IRAK3: variants seen among roughly 807,000 people sequenced by gnomAD.
IRAK3 encodes the protein interleukin 1 receptor associated kinase 3.
In IRAK3, 57 loss-of-function variants were observed where a neutral mutation model predicts 56.6. The ratio of observed to expected loss-of-function variants is 1.01; its 90% CI spans 0.81 to 1.26. The LOEUF is 1.26. Among genes scored for constraint, IRAK3 ranks in the 50% most tolerant of loss-of-function variants. The probability of loss-of-function intolerance (pLI) is 0.00; values close to 1 mark genes in which losing one functional copy is unlikely to be tolerated. For synonymous variants in IRAK3, 258 were observed against 255.7 expected (o/e 1.01, Z -0.09); for missense variants, 703 against 719.0 (o/e 0.98, Z 0.25).
chr12:66,241,922 T>C (rs1203426608), intron 8 of IRAK3, among the ~76,000 whole-genome samples: 3 of 152,172 alleles, frequency 2.0e-5, no homozygotes, highest in African/African-American at 7.2e-5. Flanking sequence ...AAGAATTAGA[T>C]TGAAGGTTTT....
At chr12:66,206,371 T>C (rs761849049) in intron 2 of IRAK3, among the ~76,000 whole-genome samples, 6 of 152,202 alleles carry the variant, frequency 3.9e-5, no homozygotes, top group Non-Finnish European at 7.3e-5. Flanking sequence ...TGTCGGTTTT[T>C]TGTAGATGGC....
intron 8 of IRAK3, among the ~76,000 whole-genome samples, chr12:66,230,944 T>G (rs2052838088): frequency 6.6e-6 from 1 of 152,204 alleles, no homozygotes; most frequent in Non-Finnish European, 1.5e-5. Context: ...AGCCTCAATC[T>G]TCCTCTCTGC....
At chr12:66,194,176 G>A (rs149301817) in intron 1 of IRAK3, among the ~76,000 whole-genome samples, 1 of 152,196 alleles carries the variant, frequency 6.6e-6, no homozygotes, top group African/African-American at 2.4e-5. Flanking sequence ...CAAAGTGCTG[G>A]GATTACAGAT....
At chr12:66,211,187 A>G (rs1486329966) in intron 4 of IRAK3, among the ~76,000 whole-genome samples, 1 of 152,216 alleles carries the variant, frequency 6.6e-6, no homozygotes, top group Non-Finnish European at 1.5e-5. Context: ...TCTTCCACTA[A>G]GCTCTTTGGC....
chr12:66,226,407 A>G (rs914245431), intron 6 of IRAK3, among the ~76,000 whole-genome samples: 1 of 151,922 alleles, frequency 6.6e-6, no homozygotes, highest in Non-Finnish European at 1.5e-5. Context: ...ATGCCCAGCT[A>G]ATTTTTGTAT....
At position 66,198,120 on chromosome 12, in the gene IRAK3, G is replaced by A. The variant is rs1042932326; in HGVS notation, c.134-5591G>A. On this transcript the variant is annotated intron_variant, in intron 1 of 11. Transcript: ENST00000261233. ...GAGACTCCTGCTACTATTGCCACCC[G>A]ATGCATCTTCCAAAAGGTAAAGCTT... 14 of 983,872 alleles carry A rather than the reference G, an allele frequency of 1.4e-5. No homozygotes were observed. In the Admixed American group the frequency reaches 3.1e-4, roughly 22 times the overall value. 60.9% of individuals were successfully genotyped at this position (983,872 alleles called of 1,614,324 possible). A position where few individuals can be genotyped will look rare whatever the true frequency, so the allele number is the denominator to read the frequency against.
rs1361230821 is a variant in IRAK3 at position 66,249,705 on chromosome 12, G to A, written c.*1534G>A. On this transcript the variant is annotated 3_prime_UTR_variant, in exon 12 of 12. Coordinates refer to ENST00000261233, the MANE Select transcript of IRAK3 (RefSeq NM_007199.3). ...GCCTCTTCCTCCGTCTTCAAAGCCAGCAACGTGACATTTCAGATCTCCCTC... is the reference window on the plus strand; with the variant it reads ...GCCTCTTCCTCCGTCTTCAAAGCCAACAACGTGACATTTCAGATCTCCCTC... The A allele has an allele frequency of 2.0e-5, 3 of 150,474 alleles. No individual in the cohort carries two copies. Among genetic ancestry groups the A allele is most frequent in the Non-Finnish European group, 4.4e-5 (3 of 67,696 alleles). The allele number at this position is 150,474 out of a possible 1,614,324, so 9.3% of individuals were successfully genotyped here. A position where few individuals can be genotyped will look rare whatever the true frequency, so the allele number is the denominator to read the frequency against.
In IRAK3 at chr12:66,220,923, G is replaced by C. The variant is rs1326432441; in HGVS notation, c.653+3688G>C. Among the ~76,000 whole-genome samples, 6 of 152,248 alleles carry C rather than the reference G, an allele frequency of 3.9e-5. No individual in the cohort carries two copies. In the East Asian group the frequency reaches 1.2e-3, roughly 29 times the overall value. Reference sequence around the variant, plus strand: ...TTGTGAAAAATGGCATTGGAATTTTGATAGAAATGTGTTGAATGTGTAGCT... The same window carrying C: ...TTGTGAAAAATGGCATTGGAATTTTCATAGAAATGTGTTGAATGTGTAGCT... On this transcript the variant is annotated intron_variant, in intron 6 of 11. Coordinates refer to ENST00000261233, the MANE Select transcript of IRAK3 (RefSeq NM_007199.3).
At chr12:66,220,054 A>G (rs1054241816) in intron 6 of IRAK3, among the ~76,000 whole-genome samples, 10 of 152,104 alleles carry the variant, frequency 6.6e-5, no homozygotes, top group African/African-American at 2.4e-4. Context: ...TTAGTTTGAT[A>G]TAGTTCCACT....
chr12:66,227,989 C>T (rs1328644521), intron 7 of IRAK3, among the ~76,000 whole-genome samples: 1 of 152,112 alleles, frequency 6.6e-6, no homozygotes, highest in Non-Finnish European at 1.5e-5. Context: ...AGCAGTGTTA[C>T]CTTACTAGCT....
At chr12:66,192,711 A>G (rs1315403491) in intron 1 of IRAK3, among the ~76,000 whole-genome samples, 3 of 152,328 alleles carry the variant, frequency 2.0e-5, no homozygotes, top group African/African-American at 7.2e-5. Flanking sequence ...TCAAAATAAT[A>G]GTAGTAATAA....
intron 5 of IRAK3, among the ~76,000 whole-genome samples, chr12:66,212,444 C>G (rs1250250837): frequency 6.6e-6 from 1 of 152,174 alleles, no homozygotes; most frequent in East Asian, 1.9e-4. Context: ...GGTCCACACA[C>G]AAACACAGAA....
chr12:66,238,555 A>C (rs2052931989), intron 8 of IRAK3, among the ~76,000 whole-genome samples: 1 of 152,214 alleles, frequency 6.6e-6, no homozygotes, highest in Non-Finnish European at 1.5e-5. Context: ...TCATCAGCAG[A>C]GACAGGGAAA....
At chr12:66,223,004 T>C (rs2052750339) in intron 6 of IRAK3, among the ~76,000 whole-genome samples, 1 of 150,130 alleles carries the variant, frequency 6.7e-6, no homozygotes. Flanking sequence ...AAAATTACAG[T>C]CAAAGGGGGG....
In IRAK3 at chr12:66,226,245, T is replaced by C. The variant is rs185345894; in HGVS notation, c.654-478T>C. ...TAACTAGTATTTGTTAGAATTTTTT[T>C]TTTTTTCTTTTTTGAGGTGGAGTCT... On this transcript the variant is annotated intron_variant, in intron 6 of 11. Coordinates refer to ENST00000261233, the MANE Select transcript of IRAK3 (RefSeq NM_007199.3). Among the ~76,000 whole-genome samples, 504 of 152,164 alleles carry C rather than the reference T, an allele frequency of 3.3e-3. 3 individuals are homozygous for C. The highest frequency in any genetic ancestry group is 0.017 in the Middle Eastern group (5 of 294).
At chr12:66,216,576 CA>C (rs1430373040) in intron 5 of IRAK3, among the ~76,000 whole-genome samples, 3 of 152,234 alleles carry the variant, frequency 2.0e-5, no homozygotes, top group Admixed American at 1.3e-4. Flanking sequence ...ATGAAGGCAT[CA>C]AGAACAGTGC....
chr12:66,226,911 G>A, intron 7 of IRAK3, 74 bp downstream of exon 7: 1 of 896,314 alleles, frequency 1.1e-6, no homozygotes, highest in Non-Finnish European at 1.9e-6. Context: ...AACCGTCTGG[G>A]AGAGTTGGGA....
At chr12:66,224,294 G>C (rs2052764688) in intron 6 of IRAK3, among the ~76,000 whole-genome samples, 1 of 152,148 alleles carries the variant, frequency 6.6e-6, no homozygotes, top group Admixed American at 6.5e-5. Context: ...CATCTTCTCA[G>C]ATGTGACTAA....
At position 66,245,082 on chromosome 12, in the gene IRAK3, C is replaced by T. The variant is rs758260291; in HGVS notation, c.1150-16C>T. The stretch of plus-strand genomic sequence containing the variant: ...ATCAAGTTCTCTGTGATAAAATTGT[C>T]TCCCTCTCTTCCAAGCGGGATCTCC... On this transcript the variant is annotated splice_polypyrimidine_tract_variant and intron_variant, in intron 10 of 11. Transcript: ENST00000261233. 2.5e-6 allele frequency: 4 copies of T among 1,613,878 alleles called. No homozygotes were observed. The Admixed American group carries it at 5.0e-5, about 20-fold the overall frequency.
Sources: allele counts gnomAD v4.1 joint callset (sites outside exome capture counted in the v4.1 genomes callset), GRCh38; gene constraint gnomAD v4.1.1; transcripts MANE v1.5; gene names NCBI Gene and HGNC (gene_info 2026-07-23, HGNC 2026-07-21).